STX8: variants seen among roughly 807,000 people sequenced by gnomAD.
The protein encoded by STX8 is syntaxin 8.
Under a neutral mutation model 37.5 loss-of-function variants are expected in STX8, and 23 were observed. That is an observed-to-expected ratio of 0.61 (90% CI 0.44 to 0.87). The LOEUF (loss-of-function observed/expected upper bound fraction) is 0.87, where lower values mean the gene tolerates loss of function less well. STX8 is among the 40% of genes least tolerant of loss of function. The pLI is 0.00. For synonymous variants in STX8, 115 were observed against 99.1 expected, an observed-to-expected ratio of 1.16 and a Z score of -0.95; for missense variants, 313 against 284.7, an observed-to-expected ratio of 1.10 and a Z score of -0.71.
At chr17:9,566,071 C>T (rs1329485188) in intron 2 of STX8, among the ~76,000 whole-genome samples, 1 of 152,168 alleles carries the variant, frequency 6.6e-6, no homozygotes, top group Non-Finnish European at 1.5e-5. Flanking sequence ...TGACAAAGAT[C>T]TAATAGCCAG....
chr17:9,531,885 T>A (rs1905833117), intron 4 of STX8, among the ~76,000 whole-genome samples: 2 of 152,292 alleles, frequency 1.3e-5, no homozygotes, highest in South Asian at 4.1e-4. Flanking sequence ...TTCTTTGTTG[T>A]CTAGCTTTTA....
At chr17:9,389,262 G>A (rs1285093175) in intron 6 of STX8, among the ~76,000 whole-genome samples, 2 of 152,308 alleles carry the variant, frequency 1.3e-5, no homozygotes, top group South Asian at 2.1e-4. Context: ...TACCAAGGTG[G>A]GAATTTCCCT....
At chr17:9,381,755 G>A (rs1911828762) in intron 6 of STX8, among the ~76,000 whole-genome samples, 3 of 152,214 alleles carry the variant, frequency 2.0e-5, no homozygotes, top group Admixed American at 2.0e-4. Context: ...CGGATCACAA[G>A]GTCAGGAGTT....
intron 4 of STX8, among the ~76,000 whole-genome samples, chr17:9,529,248 AGAG>A (rs1905708970): frequency 1.1e-3 from 1 of 876 alleles, no homozygotes; most frequent in African/African-American, 3.4e-3. Context: ...CATAGCTCTT[AGAG>A]AGAGAGAGAG....
intron 6 of STX8, among the ~76,000 whole-genome samples, chr17:9,488,442 G>A (rs1358420205): frequency 1.3e-5 from 2 of 152,174 alleles, no homozygotes; most frequent in African/African-American, 4.8e-5. Flanking sequence ...CATTAAGCTT[G>A]TAGATGGAAT....
chr17:9,337,705 T>C (rs924726298), intron 7 of STX8, among the ~76,000 whole-genome samples: 2 of 152,188 alleles, frequency 1.3e-5, no homozygotes, highest in Non-Finnish European at 2.9e-5. Flanking sequence ...ATACTGCGTC[T>C]GTGCTGTTCT....
chr17:9,466,568 T>C lies in STX8; in HGVS notation c.541+25261A>G, dbSNP rs540506883. 2.6e-5 allele frequency among the ~76,000 whole-genome samples: 4 copies of C among 152,340 alleles called. No individual in the cohort carries two copies. In the South Asian group the frequency reaches 6.2e-4, roughly 24 times the overall value. On this transcript the variant is annotated intron_variant, in intron 6 of 7. Transcript: ENST00000306357. Reference sequence around the variant, plus strand: ...ACATTTGCTAGCTCTTCAGAATCCATACAAACTGCAAAAACTCAGGAAGAG... The same window carrying C: ...ACATTTGCTAGCTCTTCAGAATCCACACAAACTGCAAAAACTCAGGAAGAG...
chr17:9,469,329 G>C (rs1003840634), intron 6 of STX8: 3 of 149,812 alleles, frequency 2.0e-5, no homozygotes, highest in Non-Finnish European at 4.4e-5. Context: ...GTTCATGTCT[G>C]TCTCTCATCA....
At chr17:9,347,004 C>T (rs965336799) in intron 7 of STX8, among the ~76,000 whole-genome samples, 1 of 151,954 alleles carries the variant, frequency 6.6e-6, no homozygotes, top group Admixed American at 6.6e-5. Flanking sequence ...GTGGGTGCCT[C>T]TAATCCCAGT....
At chr17:9,418,535 A>C (rs993230427) in intron 6 of STX8, among the ~76,000 whole-genome samples, 10 of 151,674 alleles carry the variant, frequency 6.6e-5, no homozygotes, top group Non-Finnish European at 1.0e-4. Context: ...AAAAAAACAA[A>C]AAAAAAAACA....
chr17:9,354,318 CTT>C (rs35460018), intron 7 of STX8, among the ~76,000 whole-genome samples: 6 of 119,746 alleles, frequency 5.0e-5, no homozygotes, highest in African/African-American at 1.3e-4. Context: ...AATTGTCTCA[CTT>C]TTTTTTTTTT....
chr17:9,348,301 C>T (rs1428365441), intron 7 of STX8, among the ~76,000 whole-genome samples: 1 of 151,650 alleles, frequency 6.6e-6, no homozygotes, highest in Non-Finnish European at 1.5e-5. Context: ...GCCTGTAATC[C>T]CAGCTACTCA....
In STX8 at chr17:9,523,261, G is replaced by A. The variant is rs187789102; in HGVS notation, c.324-18099C>T. ...CAGGAGGCAGAGGTTGCAGTGAGCC[G>A]AGATTGCACCACTGCACTCCAGCCT... is the stretch of plus-strand genomic sequence containing the variant. On this transcript the variant is annotated intron_variant, in intron 4 of 7. Transcript: ENST00000306357. 4.3e-3 allele frequency among the ~76,000 whole-genome samples: 635 copies of A among 147,824 alleles called. 8 individuals are homozygous for A. The highest frequency in any genetic ancestry group is 0.015 in the African/African-American group (588 of 40,162).
At chr17:9,567,873 A>G (rs1907523857) in intron 2 of STX8, among the ~76,000 whole-genome samples, 1 of 152,076 alleles carries the variant, frequency 6.6e-6, no homozygotes, top group Admixed American at 6.5e-5. Flanking sequence ...TTTAGTAGAG[A>G]TGGGGTTTCC....
intron 6 of STX8, chr17:9,470,159 C>T (rs1241894975): frequency 6.6e-6 from 1 of 152,176 alleles, no homozygotes; most frequent in Non-Finnish European, 1.5e-5. Flanking sequence ...ATTCAAAATG[C>T]TTTCTCAAAG....
intron 6 of STX8, among the ~76,000 whole-genome samples, chr17:9,381,258 TC>T (rs1911807933): frequency 1.3e-5 from 2 of 152,080 alleles, no homozygotes; most frequent in South Asian, 2.1e-4. Flanking sequence ...TTTTTTTTTT[TC>T]CTCCCTCCTT....
In STX8 at chr17:9,546,590, G is replaced by GTTTTTTTTTTTTT. The variant is rs745424722; in HGVS notation, c.213-1309_213-1308insAAAAAAAAAAAAA. On this transcript the variant is annotated intron_variant, in intron 3 of 7. Coordinates refer to ENST00000306357, the MANE Select transcript of STX8 (RefSeq NM_004853.3). ...CTTTCTTGATGCAAACTACAAAAGT[G>GTTTTTTTTTTTTT]GTTTTTTTTTTTTTTTTTTTTTTTT... Among the ~76,000 whole-genome samples the GTTTTTTTTTTTTT allele has an allele frequency of 3.5e-4, 22 of 62,230 alleles. 1 individual carries two copies. Among genetic ancestry groups the GTTTTTTTTTTTTT allele is most frequent in the African/African-American group, 8.2e-4 (14 of 17,096 alleles). The allele number at this position is 62,230 out of a possible 152,430, so 40.8% of individuals were successfully genotyped here.
chr17:9,516,020 A>T (rs184769104), intron 4 of STX8, among the ~76,000 whole-genome samples: 71 of 152,176 alleles, frequency 4.7e-4, no homozygotes, highest in African/African-American at 1.7e-3. Context: ...CACTTTTCAA[A>T]TCAGGAATTA....
intron 6 of STX8, among the ~76,000 whole-genome samples, chr17:9,425,164 A>G (rs990084249): frequency 3.3e-5 from 5 of 152,220 alleles, no homozygotes; most frequent in African/African-American, 1.2e-4. Flanking sequence ...CCTCTTGTCA[A>G]TATGTTCTTT....
Sources: allele counts gnomAD v4.1 joint callset (sites outside exome capture counted in the v4.1 genomes callset), GRCh38; gene constraint gnomAD v4.1.1; transcripts MANE v1.5; gene names NCBI Gene and HGNC (gene_info 2026-07-23, HGNC 2026-07-21).